Variants in LOXL3 observed in about 807,000 individuals in gnomAD.
LOXL3 encodes lysyl oxidase like 3.
A neutral mutation model predicts 91.8 loss-of-function variants in LOXL3; 60 were observed. That is an observed-to-expected ratio of 0.65 (90% CI 0.53 to 0.81). The LOEUF (loss-of-function observed/expected upper bound fraction) is 0.81. Among genes scored for constraint, LOXL3 ranks in the 30% least tolerant of loss-of-function variants. The probability of loss-of-function intolerance (pLI) is 0.00; values close to 1 mark genes in which losing one functional copy is unlikely to be tolerated. For synonymous variants in LOXL3, 355 were observed against 387.6 expected (o/e 0.92, Z 0.99); for missense variants, 874 against 1,000.4 (o/e 0.87, Z 1.70).
At chr2:74,555,315 C>T (rs749728861), upstream of LOXL3, 3 of 1,613,912 alleles carry the variant, frequency 1.9e-6, no homozygotes, top group African/African-American at 4.0e-5. The surrounding 1 kb of genome is among the most constrained non-coding windows in gnomAD (Gnocchi z 6.1). Context: ...TGAGTGTGGC[C>T]CCCGTCACCG....
chr2:74,536,500 G>T lies in LOXL3; in HGVS notation c.913-29C>A. ...TAGAAGAGAGAAGTGCCCAACAGAG[G>T]CAAATGGCAACATCTGCACGGAGGG... On this transcript the variant is annotated intron_variant, in intron 5 of 13. Coordinates refer to ENST00000264094, the MANE Select transcript of LOXL3 (RefSeq NM_032603.5). The surrounding 1 kb of genome is among the most constrained non-coding windows in gnomAD (Gnocchi z 4.5). 1 of 1,598,458 alleles carries T rather than the reference G, an allele frequency of 6.3e-7. No homozygotes were observed. Among genetic ancestry groups the T allele is most frequent in the Non-Finnish European group, 8.5e-7 (1 of 1,171,548 alleles).
At chr2:74,534,814 G>T in intron 9 of LOXL3, 40 bp from the exon 10 acceptor site, 1 of 1,594,938 alleles carries the variant, frequency 6.3e-7, no homozygotes, top group South Asian at 1.1e-5. Flanking sequence ...AGTCACTGCT[G>T]ACTTCACAGA....
At position 74,550,169 on chromosome 2, in the gene LOXL3, T is replaced by A; in HGVS notation, c.477+16A>T. ...ATCCTGGGTAGTGTGTGTGTGTATG[T>A]CTAGGAAATGCAGACCTCAATGACA... is the stretch of plus-strand genomic sequence containing the variant. On this transcript the variant is annotated intron_variant, in intron 3 of 13. Coordinates refer to ENST00000264094, the MANE Select transcript of LOXL3 (RefSeq NM_032603.5). The A allele has an allele frequency of 6.2e-7, 1 of 1,609,546 alleles. No homozygotes were observed. The highest frequency in any genetic ancestry group is 1.1e-5 in the South Asian group (1 of 90,372).
At chr2:74,544,320 A>G (rs946580207) in intron 4 of LOXL3, among the ~76,000 whole-genome samples, 3 of 140,746 alleles carry the variant, frequency 2.1e-5, no homozygotes, top group Non-Finnish European at 4.4e-5. Context: ...AACAAACAAA[A>G]CAAACAAACA....
intron 4 of LOXL3, among the ~76,000 whole-genome samples, chr2:74,547,150 A>G (rs1439976334): frequency 6.6e-6 from 1 of 152,126 alleles, no homozygotes; most frequent in East Asian, 1.9e-4. Context: ...AGCTGGGACT[A>G]CAGGCACGCA....
Position 74,534,097 on chromosome 2 carries a change from T to C in LOXL3, c.2076+3A>G. The C allele has an allele frequency of 6.2e-7, 1 of 1,614,108 alleles. No individual in the cohort carries two copies. The highest frequency in any genetic ancestry group is 1.3e-5 in the African/African-American group (1 of 75,034). On this transcript the variant is annotated splice_donor_region_variant and intron_variant, in intron 12 of 13. Coordinates refer to ENST00000264094, the MANE Select transcript of LOXL3 (RefSeq NM_032603.5). The stretch of plus-strand genomic sequence containing the variant: ...CCATCTGGAAGCCCCAGACTCCAGG[T>C]ACCTGGAGAATGTAGTTTCCTGGCT...
At position 74,549,319 on chromosome 2, in the gene LOXL3, G is replaced by C. The variant is rs752240403; in HGVS notation, c.692+50C>G. On this transcript the variant is annotated intron_variant, in intron 4 of 13. Transcript: ENST00000264094. The surrounding 1 kb of genome is among the most constrained non-coding windows in gnomAD (Gnocchi z 5.3). ...AGATGTCTCCCAAGGCTATTCATCAGGGAGCACCCCAATCCCGGCCTGCTC... is the reference window on the plus strand; with the variant it reads ...AGATGTCTCCCAAGGCTATTCATCACGGAGCACCCCAATCCCGGCCTGCTC... 165 of 1,509,190 alleles carry C rather than the reference G, an allele frequency of 1.1e-4. No individual in the cohort carries two copies. The highest frequency in any genetic ancestry group is 1.4e-4 in the Non-Finnish European group (162 of 1,123,468). The allele number at this position is 1,509,190 out of a possible 1,614,324, so 93.5% of individuals were successfully genotyped here.
Position 74,536,632 on chromosome 2 carries a change from C to A in LOXL3, c.912+77G>T. 1 of 1,526,012 alleles carries A rather than the reference C, an allele frequency of 6.6e-7. No individual in the cohort carries two copies. The highest frequency in any genetic ancestry group is 9.0e-7 in the Non-Finnish European group (1 of 1,109,968). The allele number at this position is 1,526,012 out of a possible 1,614,324, so 94.5% of individuals were successfully genotyped here. A position where few individuals can be genotyped will look rare whatever the true frequency, so the allele number is the denominator to read the frequency against. ...TCCTCTCTGTCCTCAAAGGTCAGGG[C>A]TGTGCTTAGTCTGGGGTTGCCAGGC... is the stretch of plus-strand genomic sequence containing the variant. On this transcript the variant is annotated intron_variant, in intron 5 of 13. Coordinates refer to ENST00000264094, the MANE Select transcript of LOXL3 (RefSeq NM_032603.5). The surrounding 1 kb of genome is among the most constrained non-coding windows in gnomAD (Gnocchi z 4.5).
At chr2:74,542,101 T>G (rs929198667) in intron 4 of LOXL3, among the ~76,000 whole-genome samples, 6 of 151,498 alleles carry the variant, frequency 4.0e-5, no homozygotes, top group African/African-American at 7.2e-5. Flanking sequence ...GAGACCAGCC[T>G]GGGCAACACA....
At chr2:74,540,850 G>C (rs1368377531) in intron 4 of LOXL3, among the ~76,000 whole-genome samples, 1 of 151,894 alleles carries the variant, frequency 6.6e-6, no homozygotes, top group Non-Finnish European at 1.5e-5. Context: ...TTAGAAGCAG[G>C]GTCTCACTAT....
intron 4 of LOXL3, among the ~76,000 whole-genome samples, chr2:74,539,338 C>A (rs750271243): frequency 6.6e-6 from 1 of 152,162 alleles, no homozygotes; most frequent in Non-Finnish European, 1.5e-5. Context: ...CATTGAACTG[C>A]ATTTCAGGAA....
At chr2:74,538,216 A>G (rs1231600228) in intron 4 of LOXL3, among the ~76,000 whole-genome samples, 1 of 152,242 alleles carries the variant, frequency 6.6e-6, no homozygotes, top group Non-Finnish European at 1.5e-5. Context: ...CGTTGTCTAC[A>G]ATGAACAAAA....
At chr2:74,537,559 A>T (rs1337915307) in intron 4 of LOXL3, among the ~76,000 whole-genome samples, 1 of 152,248 alleles carries the variant, frequency 6.6e-6, no homozygotes, top group African/African-American at 2.4e-5. Context: ...TAAATGCAGG[A>T]CAGGTCAAAG....
At position 74,532,402 on chromosome 2, in the gene LOXL3, C is replaced by T. The variant is rs137980173; in HGVS notation, c.*1204G>A. 4 of 590,898 alleles carry T rather than the reference C, an allele frequency of 6.8e-6. No individual in the cohort carries two copies. The highest frequency in any genetic ancestry group is 5.5e-5 in the African/African-American group (3 of 54,768). 36.6% of individuals were successfully genotyped at this position (590,898 alleles called of 1,614,324 possible). On this transcript the variant is annotated 3_prime_UTR_variant, in exon 14 of 14. Coordinates refer to ENST00000264094, the MANE Select transcript of LOXL3 (RefSeq NM_032603.5). Reference sequence around the variant, plus strand: ...TGACATTAGTGCTATTGATTTAACACTGTTTGTCATTTGGTGCCCTCATGT... The same window carrying T: ...TGACATTAGTGCTATTGATTTAACATTGTTTGTCATTTGGTGCCCTCATGT...
upstream of LOXL3, chr2:74,554,405 T>A: frequency 3.3e-6 from 1 of 302,312 alleles, no homozygotes; most frequent in South Asian, 4.3e-5. This position sits in a 1 kb window ranked among gnomAD's most constrained non-coding sequence, Gnocchi z 4.9. Flanking sequence ...CCCGGGGCGC[T>A]TTCGGGGTGA....
intron 9 of LOXL3, 31 bp from the exon 10 acceptor site, chr2:74,534,805 G>A: frequency 6.2e-7 from 1 of 1,600,658 alleles, no homozygotes. Flanking sequence ...GGTGTTAGAA[G>A]TCACTGCTGA....
chr2:74,537,350 A>G (rs977339870), intron 4 of LOXL3, among the ~76,000 whole-genome samples: 4 of 152,240 alleles, frequency 2.6e-5, no homozygotes, highest in African/African-American at 9.6e-5. Context: ...AGCCAGGGCG[A>G]GCAAGTCCTT....
Position 74,549,274 on chromosome 2 carries a change from C to A in LOXL3, c.692+95G>T. On this transcript the variant is annotated intron_variant, in intron 4 of 13. Coordinates refer to ENST00000264094, the MANE Select transcript of LOXL3 (RefSeq NM_032603.5). The surrounding 1 kb of genome is among the most constrained non-coding windows in gnomAD (Gnocchi z 5.3). ...CCGCGCGTCCCGACCCCCGGGTCCT[C>A]CCGTGCCCCGGACCTGCTCAGATGT... The A allele has an allele frequency of 7.3e-7, 1 of 1,365,656 alleles. No individual in the cohort carries two copies. The highest frequency in any genetic ancestry group is 9.6e-7 in the Non-Finnish European group (1 of 1,038,352). 84.6% of individuals were successfully genotyped at this position (1,365,656 alleles called of 1,614,324 possible). A position where few individuals can be genotyped will look rare whatever the true frequency, so the allele number is the denominator to read the frequency against.
intron 4 of LOXL3, among the ~76,000 whole-genome samples, chr2:74,543,397 T>C (rs1676426588): frequency 6.6e-6 from 1 of 152,116 alleles, no homozygotes; most frequent in Non-Finnish European, 1.5e-5. Flanking sequence ...GAAAGTAATC[T>C]GAAATGTAAT....
Sources: gnomAD v4.1 joint callset for allele counts (sites outside exome capture counted in the v4.1 genomes callset) on GRCh38, gnomAD v4.1.1 for gene constraint, Gnocchi (gnomAD v3.1) non-coding constraint, MANE v1.5 for transcripts, NCBI Gene and HGNC (gene_info 2026-07-23, HGNC 2026-07-21) for gene names.